The following CNDP1 variants were observed in gnomAD, a reference collection of about 807,000 sequenced individuals.
CNDP1 encodes beta-Ala-His dipeptidase.
In CNDP1, 44 loss-of-function variants were observed where a neutral mutation model predicts 58.1. The ratio of observed to expected loss-of-function variants is 0.76; its 90% CI spans 0.60 to 0.97. CNDP1 has a LOEUF of 0.97. Ranked by LOEUF, CNDP1 falls within the 50% of genes least tolerant of loss-of-function variation. The pLI is 0.00. For missense variants in CNDP1, 616 were observed against 655.1 expected (o/e 0.94, Z 0.65); for synonymous variants, 254 against 252.6 (o/e 1.01, Z -0.05).
intron 8 of CNDP1, 179 bp from the exon 9 acceptor site, chr18:74,577,984 T>C (rs748114016): frequency 1.8e-6 from 1 of 560,308 alleles, no homozygotes; most frequent in Non-Finnish European, 3.1e-6. Context: ...TGAAGGCATC[T>C]GAGGACAGCA....
chr18:74,571,472 T>A (rs2144665619), intron 7 of CNDP1, among the ~76,000 whole-genome samples: 1 of 152,340 alleles, frequency 6.6e-6, no homozygotes, highest in South Asian at 2.1e-4. Flanking sequence ...GAAACTCTTC[T>A]TCAGTTCATC....
At chr18:74,537,582 G>A (rs1366439461) in intron 1 of CNDP1, among the ~76,000 whole-genome samples, 1 of 152,190 alleles carries the variant, frequency 6.6e-6, no homozygotes, top group Non-Finnish European at 1.5e-5. Flanking sequence ...TGGATCCCTG[G>A]CTGTGGCCCA....
At chr18:74,562,592 T>C (rs1397640703) in intron 5 of CNDP1, among the ~76,000 whole-genome samples, 1 of 152,230 alleles carries the variant, frequency 6.6e-6, no homozygotes, top group Non-Finnish European at 1.5e-5. Context: ...ACTTTGCAAA[T>C]GATCAAGATA....
chr18:74,535,303 T>C (rs1286276832), intron 1 of CNDP1, among the ~76,000 whole-genome samples: 1 of 151,832 alleles, frequency 6.6e-6, no homozygotes, highest in Non-Finnish European at 1.5e-5. Flanking sequence ...ACGCTTTTTA[T>C]TTCCATTGCA....
chr18:74,538,366 G>A (rs530911428), intron 1 of CNDP1, among the ~76,000 whole-genome samples: 2 of 152,316 alleles, frequency 1.3e-5, no homozygotes, highest in South Asian at 2.1e-4. Flanking sequence ...TATCAGGACT[G>A]CATTCCTTTT....
intron 1 of CNDP1, among the ~76,000 whole-genome samples, chr18:74,552,491 G>A (rs777356043): frequency 7.9e-5 from 12 of 152,162 alleles, no homozygotes; most frequent in Non-Finnish European, 1.6e-4. Context: ...ACTCTAGACT[G>A]TTACGTAAAT....
chr18:74,550,130 C>T (rs568659814), intron 1 of CNDP1, among the ~76,000 whole-genome samples: 7 of 152,326 alleles, frequency 4.6e-5, no homozygotes, highest in African/African-American at 1.7e-4. Context: ...TGGGGCACTA[C>T]CTAATGAAGC....
At chr18:74,551,138 T>C (rs985871779) in intron 1 of CNDP1, among the ~76,000 whole-genome samples, 1 of 152,086 alleles carries the variant, frequency 6.6e-6, no homozygotes, top group South Asian at 2.1e-4. Context: ...TCTGGCCACA[T>C]GACCTGCCTG....
chr18:74,542,055 G>T (rs1461074403), intron 1 of CNDP1, among the ~76,000 whole-genome samples: 1 of 152,208 alleles, frequency 6.6e-6, no homozygotes, highest in East Asian at 1.9e-4. Context: ...AGTGCCCTGG[G>T]ATCCCAGAGT....
At chr18:74,560,772 A>G in intron 3 of CNDP1, 84 bp from the exon 4 acceptor site, 2 of 1,290,228 alleles carry the variant, frequency 1.6e-6, no homozygotes, top group Non-Finnish European at 2.2e-6. Flanking sequence ...CCAATGTCAA[A>G]CAAGACTCCC....
chr18:74,534,822 T>C (rs1445327061), intron 1 of CNDP1, 131 bp downstream of exon 1: 1 of 886,408 alleles, frequency 1.1e-6, no homozygotes, highest in Non-Finnish European at 1.9e-6. Flanking sequence ...CTCCTCATGG[T>C]GTTCTTAGGT....
chr18:74,583,654 T>C lies in CNDP1; in HGVS notation c.1403T>C (p.Ile468Thr). 3.1e-6 allele frequency: 5 copies of C among 1,614,220 alleles called. No homozygotes were observed. Among genetic ancestry groups the C allele is most frequent in the Non-Finnish European group, 4.2e-6 (5 of 1,180,026 alleles). The change falls in exon 11 of 12, where the codon ATT becomes ACT. Residue 468 changes from isoleucine to threonine, a missense_variant. Coordinates refer to ENST00000358821, the MANE Select transcript of CNDP1 (RefSeq NM_032649.6). ...QEIVHKSVVL[I>T]PLGAVDDGEH... ...ATCGTCCACAAGAGCGTGGTGCTAA[T>C]TCCGCTGGGAGCTGTTGATGATGGA...
rs560662756 is a variant in CNDP1, at chr18:74,557,306, C to T, written c.153+840C>T. 5.9e-5 allele frequency among the ~76,000 whole-genome samples: 9 copies of T among 152,266 alleles called. No individual in the cohort carries two copies. In the East Asian group the frequency reaches 1.2e-3, roughly 20 times the overall value. On this transcript the variant is annotated intron_variant, in intron 2 of 11. Coordinates refer to ENST00000358821, the MANE Select transcript of CNDP1 (RefSeq NM_032649.6). ...GCACAAACACAGCTCACTGCGGCCT[C>T]GACCTCCTGGGTTCAAGTGATCCTT...
intron 6 of CNDP1, among the ~76,000 whole-genome samples, chr18:74,569,383 G>A (rs139373198): frequency 1.8e-3 from 270 of 152,260 alleles, no homozygotes; most frequent in African/African-American, 6.2e-3. Flanking sequence ...TGGATATGGC[G>A]TATATAGGAG....
intron 1 of CNDP1, among the ~76,000 whole-genome samples, chr18:74,549,718 T>C (rs1478705626): frequency 6.6e-6 from 1 of 152,218 alleles, no homozygotes; most frequent in Non-Finnish European, 1.5e-5. Context: ...AAGGTCTTGA[T>C]GGCATTTCAG....
rs71168498 is a variant in CNDP1 at position 74,558,392 on chromosome 18, C to CTTTTTTT, written c.154-917_154-911dup. ...AGTTAGGGAGCATTACTTTCTTTTT[C>CTTTTTTT]TTTTTTTTTTTTTTTTTTTTGAGAT... On this transcript the variant is annotated intron_variant, in intron 2 of 11. Coordinates refer to ENST00000358821, the MANE Select transcript of CNDP1 (RefSeq NM_032649.6). Among the ~76,000 whole-genome samples, 206 of 114,224 alleles carry CTTTTTTT rather than the reference C, an allele frequency of 1.8e-3. 8 individuals are homozygous for CTTTTTTT. Among genetic ancestry groups the CTTTTTTT allele is most frequent in the African/African-American group, 2.8e-3 (78 of 27,782 alleles). The allele number at this position is 114,224 out of a possible 152,430, so 74.9% of individuals were successfully genotyped here.
intron 1 of CNDP1, among the ~76,000 whole-genome samples, chr18:74,553,992 G>T (rs572694398): frequency 6.6e-6 from 1 of 152,226 alleles, no homozygotes; most frequent in Non-Finnish European, 1.5e-5. Context: ...TTGGGTCCTC[G>T]GCCACTGTGA....
chr18:74,575,349 C>A (rs756979590), intron 7 of CNDP1, among the ~76,000 whole-genome samples: 12 of 152,200 alleles, frequency 7.9e-5, no homozygotes, highest in Non-Finnish European at 1.8e-4. Context: ...GCAACTCTGT[C>A]CTTACGCAGA....
rs113420771 is a variant in CNDP1, at chr18:74,584,002, A to C, written c.1457+294A>C. The C allele has an allele frequency of 2.2e-3, 842 of 382,458 alleles. 7 individuals carry two copies. Among genetic ancestry groups the C allele is most frequent in the African/African-American group, 0.015 (762 of 49,306 alleles). 23.7% of individuals were successfully genotyped at this position (382,458 alleles called of 1,614,324 possible). A position where few individuals can be genotyped will look rare whatever the true frequency, so the allele number is the denominator to read the frequency against. The stretch of plus-strand genomic sequence containing the variant: ...ATAAGAGCACCAGACCCATTGGATT[A>C]GGACCCCCATTTTAACCTCATTTAA... On this transcript the variant is annotated intron_variant, in intron 11 of 11. Coordinates refer to ENST00000358821, the MANE Select transcript of CNDP1 (RefSeq NM_032649.6).
Sources: gnomAD v4.1 joint callset for allele counts (sites outside exome capture counted in the v4.1 genomes callset) on GRCh38, gnomAD v4.1.1 for gene constraint, MANE v1.5 for transcripts, NCBI Gene and HGNC (gene_info 2026-07-23, HGNC 2026-07-21) for gene names.